COL21A1: variants seen among roughly 807,000 people sequenced by gnomAD.
COL21A1 encodes collagen type XXI alpha 1 chain.
Under a neutral mutation model 137.9 loss-of-function variants are expected in COL21A1, and 149 were observed. The ratio of observed to expected loss-of-function variants is 1.08; its 90% confidence interval spans 0.95 to 1.24. The LOEUF (loss-of-function observed/expected upper bound fraction) is 1.24, where lower values mean the gene tolerates loss of function less well. Among genes scored for constraint, COL21A1 ranks in the 50% most tolerant of loss-of-function variants. The probability of loss-of-function intolerance (pLI) is 0.00; values close to 1 mark genes in which losing one functional copy is unlikely to be tolerated. For missense variants in COL21A1, 1,167 were observed against 1,158.4 expected (o/e 1.01, Z -0.11); for synonymous variants, 456 against 391.5 (o/e 1.16, Z -1.95).
chr6:56,183,157 A>G (rs946570581), intron 1 of COL21A1, among the ~76,000 whole-genome samples: 1 of 152,204 alleles, frequency 6.6e-6, no homozygotes, highest in African/African-American at 2.4e-5. Flanking sequence ...ACTCAGTTAC[A>G]TAGTTTTCAT....
intron 17 of COL21A1, among the ~76,000 whole-genome samples, chr6:56,097,910 A>T (rs866061309): frequency 0.11 from 4,392 of 39,572 alleles, 1,071 homozygotes; most frequent in East Asian, 0.47. Context: ...TAAATATATA[A>T]ATATATATAA....
chr6:56,106,631 A>T (rs1483366196), intron 16 of COL21A1, among the ~76,000 whole-genome samples: 1 of 152,222 alleles, frequency 6.6e-6, no homozygotes, highest in Non-Finnish European at 1.5e-5. Flanking sequence ...GTCAAAATAT[A>T]TACAGGATAG....
intron 1 of COL21A1, among the ~76,000 whole-genome samples, chr6:56,185,613 T>C (rs1298263676): frequency 1.3e-5 from 2 of 151,462 alleles, no homozygotes; most frequent in Non-Finnish European, 2.9e-5. Flanking sequence ...TTTTTTGTAT[T>C]TTTAGTAGAG....
intron 1 of COL21A1, among the ~76,000 whole-genome samples, chr6:56,280,083 C>G (rs981987704): frequency 1.2e-4 from 18 of 152,118 alleles, no homozygotes; most frequent in African/African-American, 4.1e-4. Flanking sequence ...TTTTACTTAC[C>G]TACAATCCAC....
chr6:56,113,861 C>T (rs557763541), intron 16 of COL21A1, among the ~76,000 whole-genome samples: 2 of 152,264 alleles, frequency 1.3e-5, no homozygotes, highest in African/African-American at 4.8e-5. Flanking sequence ...CCAGGCCAGG[C>T]AGCATTCACC....
At chr6:56,297,785 T>C (rs1764195692) in intron 1 of COL21A1, among the ~76,000 whole-genome samples, 1 of 152,158 alleles carries the variant, frequency 6.6e-6, no homozygotes, top group Non-Finnish European at 1.5e-5. Context: ...TCTGGACTGA[T>C]GGCATCTAAA....
At chr6:56,239,199 A>G (rs1490416704) in intron 1 of COL21A1, among the ~76,000 whole-genome samples, 1 of 152,178 alleles carries the variant, frequency 6.6e-6, no homozygotes, top group Non-Finnish European at 1.5e-5. Flanking sequence ...TCTTCACCAG[A>G]TATTACCATC....
chr6:56,294,545 A>AAATGTCACC (rs1358459614), intron 1 of COL21A1, among the ~76,000 whole-genome samples: 1 of 152,072 alleles, frequency 6.6e-6, no homozygotes, highest in East Asian at 1.9e-4. Context: ...TTAGTGTGGT[A>AAATGTCACC]TATTTGTTAC....
chr6:56,073,917 AGACTGGTG>A (rs1766980148), intron 20 of COL21A1, among the ~76,000 whole-genome samples: 1 of 151,466 alleles, frequency 6.6e-6, no homozygotes, highest in South Asian at 2.1e-4. Context: ...TGAATGCTCT[AGACTGGTG>A]GTTTTGGCAC....
At chr6:56,150,326 A>G (rs974131190) in intron 10 of COL21A1, among the ~76,000 whole-genome samples, 6 of 151,788 alleles carry the variant, frequency 4.0e-5, no homozygotes, top group East Asian at 1.9e-4. Context: ...AGACCATCCT[A>G]GCTAACACGG....
At chr6:56,340,125 TAC>T (rs1229345311) in intron 1 of COL21A1, among the ~76,000 whole-genome samples, 1 of 152,204 alleles carries the variant, frequency 6.6e-6, no homozygotes, top group Non-Finnish European at 1.5e-5. Flanking sequence ...TCTTTAGAGA[TAC>T]ATTGTTTTTC....
chr6:56,096,873 T>C (rs7772090), intron 17 of COL21A1, among the ~76,000 whole-genome samples: 1 of 152,162 alleles, frequency 6.6e-6, no homozygotes, highest in South Asian at 2.1e-4. Context: ...AACCATTATT[T>C]CCACACAATG....
At chr6:56,302,648 G>T (rs976639981) in intron 1 of COL21A1, among the ~76,000 whole-genome samples, 5 of 152,192 alleles carry the variant, frequency 3.3e-5, no homozygotes, top group Admixed American at 6.5e-5. Context: ...CAGATGAGTA[G>T]GTTGCAAAAA....
intron 18 of COL21A1, among the ~76,000 whole-genome samples, chr6:56,076,179 G>A (rs2114124640): frequency 6.6e-6 from 1 of 151,548 alleles, no homozygotes; most frequent in Admixed American, 6.6e-5. Context: ...TTGGGAAACT[G>A]AATGCTGGCC....
chr6:56,222,293 G>C (rs1156441540), intron 1 of COL21A1, among the ~76,000 whole-genome samples: 2 of 151,856 alleles, frequency 1.3e-5, no homozygotes, highest in Non-Finnish European at 2.9e-5. Context: ...AATTGAAAGT[G>C]TTTTCCTTTT....
chr6:56,337,868 T>C (rs534725467), intron 1 of COL21A1, among the ~76,000 whole-genome samples: 1 of 152,254 alleles, frequency 6.6e-6, no homozygotes, highest in Admixed American at 6.5e-5. Flanking sequence ...TTTAAAAACA[T>C]AGTTTCACAT....
At chr6:56,158,335 T>C (rs140001472) in intron 9 of COL21A1, among the ~76,000 whole-genome samples, 4 of 142,394 alleles carry the variant, frequency 2.8e-5, no homozygotes, top group Non-Finnish European at 6.0e-5. Flanking sequence ...TGCAGTGGTG[T>C]GATCACAGCT....
At chr6:56,335,662 TCTGC>T (rs1323547602) in intron 1 of COL21A1, among the ~76,000 whole-genome samples, 1 of 152,204 alleles carries the variant, frequency 6.6e-6, no homozygotes, top group African/African-American at 2.4e-5. Flanking sequence ...TTCCCACTCC[TCTGC>T]CTGCCTTTGT....
chr6:56,087,485 G>T (rs557552865), intron 17 of COL21A1, among the ~76,000 whole-genome samples: 1 of 152,106 alleles, frequency 6.6e-6, no homozygotes, highest in Non-Finnish European at 1.5e-5. Flanking sequence ...AATATCAAAA[G>T]AACTTTAAAA....
Sources: gnomAD v4.1 joint callset for allele counts (sites outside exome capture counted in the v4.1 genomes callset) on GRCh38, gnomAD v4.1.1 for gene constraint, MANE v1.5 for transcripts, NCBI Gene and HGNC (gene_info 2026-07-23, HGNC 2026-07-21) for gene names.